DISP3: variants seen among roughly 807,000 people sequenced by gnomAD.
DISP3 encodes the protein protein dispatched homolog 3.
A neutral mutation model predicts 135.3 loss-of-function variants in DISP3; 101 were observed. That is an observed-to-expected ratio of 0.75 (90% CI 0.64 to 0.88). The LOEUF (loss-of-function observed/expected upper bound fraction) is 0.88. DISP3 is among the 40% of genes least tolerant of loss of function. The pLI is 0.00. For synonymous variants in DISP3, 856 were observed against 817.0 expected, an observed-to-expected ratio of 1.05 and a Z score of -0.81; for missense variants, 1,713 against 1,878.6, an observed-to-expected ratio of 0.91 and a Z score of 1.63.
At position 11,502,818 on chromosome 1, in the gene DISP3, G is replaced by T; in HGVS notation, c.1237G>T (p.Asp413Tyr). The stretch of plus-strand genomic sequence containing the variant: ...CCTGCCCAACTACTACTCAGTAGAT[G>T]ACCGCTGGGAGGAACAACGGGCTAA... ...APLPNYYSVD[D>Y]RWEEQRAKFQ... The change falls in exon 3 of 21, where the codon GAC becomes TAC. Residue 413 changes from aspartate (D) to tyrosine (Y), a missense_variant. Coordinates refer to ENST00000294484, the MANE Select transcript of DISP3 (RefSeq NM_020780.2). 6.2e-7 allele frequency: 1 copy of T among 1,614,220 alleles called. No homozygotes were observed. The highest frequency in any genetic ancestry group is 1.1e-5 in the South Asian group (1 of 91,068).
intron 12 of DISP3, 31 bp from the exon 13 acceptor site, chr1:11,526,620 T>C (rs2745260): frequency 0.15 from 240,106 of 1,594,982 alleles, 20,793 homozygotes; most frequent in East Asian, 0.44. Context: ...CCCCGAGTCA[T>C]GTGTCTTGTC....
Position 11,530,940 on chromosome 1 carries a change from T to C in DISP3, c.3136T>C (p.Phe1046Leu), listed in dbSNP as rs1642560208. The C allele has an allele frequency of 6.2e-7, 1 of 1,613,906 alleles. No homozygotes were observed. The highest frequency in any genetic ancestry group is 1.1e-5 in the South Asian group (1 of 91,088). ...TGTCTACGACAGCAGCTTTGACCTC[T>C]TCAAGGAAATTGGGCACCTGTGTCA... Reference protein sequence around the residue: ...SVVYDSSFDLFKEIGHLCHLC... With the variant: ...SVVYDSSFDLLKEIGHLCHLC... The change falls in exon 16 of 21, where the codon TTC becomes CTC. Residue 1046 changes from phenylalanine to leucine, a missense_variant. This residue lies in a region of DISP3 where 1,142 missense variants were observed against 1,384.6 expected (regional missense o/e 0.82). Coordinates refer to ENST00000294484, the MANE Select transcript of DISP3 (RefSeq NM_020780.2).
chr1:11,489,277 G>A (rs1402532194), intron 1 of DISP3, among the ~76,000 whole-genome samples: 1 of 152,218 alleles, frequency 6.6e-6, no homozygotes, highest in Non-Finnish European at 1.5e-5. Context: ...CTTCTCTTTG[G>A]GCGCTATGGG....
At chr1:11,488,523 G>T (rs552819375) in intron 1 of DISP3, among the ~76,000 whole-genome samples, 2 of 152,330 alleles carry the variant, frequency 1.3e-5, no homozygotes, top group South Asian at 4.1e-4. Context: ...GGCACCCGTG[G>T]TGGGGAACTT....
chr1:11,528,862 A>G (rs1642500131), intron 13 of DISP3, among the ~76,000 whole-genome samples: 3 of 152,328 alleles, frequency 2.0e-5, no homozygotes, highest in South Asian at 4.1e-4. Context: ...TGAACTCTGC[A>G]TGGGGCTGAG....
In DISP3 at chr1:11,491,638, C is replaced by T. The variant is rs1210366422; in HGVS notation, c.-3-9352C>T. ...AACAAACAAACAAAACAAAACAAAA[C>T]CCGGATTCCTGGGCCCCACCTCCTC... On this transcript the variant is annotated intron_variant, in intron 1 of 20. Transcript: ENST00000294484. The surrounding 1 kb of genome is among the most constrained non-coding windows in gnomAD (Gnocchi z 4.3). Among the ~76,000 whole-genome samples the T allele has an allele frequency of 6.6e-6, 1 of 151,802 alleles. No homozygotes were observed. The highest frequency in any genetic ancestry group is 2.4e-5 in the African/African-American group (1 of 41,292).
intron 3 of DISP3, among the ~76,000 whole-genome samples, chr1:11,504,022 TC>T: frequency 6.6e-6 from 1 of 151,968 alleles, no homozygotes; most frequent in Admixed American, 6.6e-5. Context: ...GCTTTCCCAG[TC>T]CCCCACCCTG....
Position 11,520,852 on chromosome 1 carries a change from A to T in DISP3, c.2362+4A>T, listed in dbSNP as rs1463992080. The T allele has an allele frequency of 6.3e-7, 1 of 1,593,882 alleles. No individual in the cohort carries two copies. The highest frequency in any genetic ancestry group is 1.1e-5 in the South Asian group (1 of 88,802). The stretch of plus-strand genomic sequence containing the variant: ...ATCTCCTGCATCACCTGTTCAGGTG[A>T]GGCTTCTAGCCAGGCTGTCCCTGGC... On this transcript the variant is annotated splice_donor_region_variant and intron_variant, in intron 10 of 20. Transcript: ENST00000294484. The surrounding 1 kb of genome is among the most constrained non-coding windows in gnomAD (Gnocchi z 4.8).
Position 11,479,216 on chromosome 1 carries a change from G to C in DISP3, c.-160G>C, listed in dbSNP as rs1336098298. 6.2e-6 allele frequency: 1 copy of C among 160,312 alleles called. No individual in the cohort carries two copies. Among genetic ancestry groups the C allele is most frequent in the African/African-American group, 2.4e-5 (1 of 41,458 alleles). 9.9% of individuals were successfully genotyped at this position (160,312 alleles called of 1,614,324 possible). On this transcript the variant is annotated 5_prime_UTR_variant, in exon 1 of 21. Coordinates refer to ENST00000294484, the MANE Select transcript of DISP3 (RefSeq NM_020780.2). ...TCCCGCGGTCTGCTTGCCCTGGAGC[G>C]GAGGGGGAGCCCCAGCCTCCTGCGG...
intron 1 of DISP3, among the ~76,000 whole-genome samples, chr1:11,498,573 T>C (rs1641408298): frequency 6.6e-6 from 1 of 152,168 alleles, no homozygotes; most frequent in Admixed American, 6.5e-5. Flanking sequence ...TTGGCAGCCT[T>C]GCCTGCTTGA....
At chr1:11,509,362 A>AT (rs1454205057) in intron 3 of DISP3, among the ~76,000 whole-genome samples, 1 of 151,794 alleles carries the variant, frequency 6.6e-6, no homozygotes, top group Non-Finnish European at 1.5e-5. Context: ...GAAAAAAAAA[A>AT]GTTCTGTTTT....
Position 11,536,515 on chromosome 1 carries a change from C to G in DISP3, c.4008C>G (p.Val1336=). The G allele has an allele frequency of 6.2e-7, 1 of 1,613,408 alleles. No homozygotes were observed. The highest frequency in any genetic ancestry group is 1.7e-5 in the Admixed American group (1 of 60,034). ...TGTCCATCCTCTACACGCTGACCGT[C>G]AGCACCGCCCTGCTGGGCATCATGG... The part of the protein sequence containing the change: ...TGVSILYTLT[V]STALLGIMAP... The change falls in exon 21 of 21, where the codon GTC becomes GTG. Residue 1336 remains valine, a synonymous_variant. Transcript: ENST00000294484. This position sits in a 1 kb window ranked among gnomAD's most constrained non-coding sequence, Gnocchi z 4.3.
At chr1:11,506,370 A>G (rs1292555718) in intron 3 of DISP3, among the ~76,000 whole-genome samples, 1 of 152,140 alleles carries the variant, frequency 6.6e-6, no homozygotes, top group African/African-American at 2.4e-5. Context: ...CACTCTGATT[A>G]CACAAATGTT....
rs1359136048 is a variant in DISP3 at position 11,533,813 on chromosome 1, A to ATCTT, written c.3376-566_3376-563dup. 5.6e-6 allele frequency: 4 copies of ATCTT among 717,722 alleles called. No homozygotes were observed. The African/African-American group carries it at 7.0e-5, about 13-fold the overall frequency. The allele number at this position is 717,722 out of a possible 1,614,324, so 44.5% of individuals were successfully genotyped here. A position where few individuals can be genotyped will look rare whatever the true frequency, so the allele number is the denominator to read the frequency against. On this transcript the variant is annotated intron_variant, in intron 17 of 20. Transcript: ENST00000294484. ...GAATTGATGAGCAGATACCTTAAGA[A>ATCTT]TCTTTTAGAGCAGGGTGAGTGCCTA...
chr1:11,520,991 C>T lies in DISP3; in HGVS notation c.2362+143C>T. 4 of 1,086,374 alleles carry T rather than the reference C, an allele frequency of 3.7e-6. No individual in the cohort carries two copies. The highest frequency in any genetic ancestry group is 5.1e-6 in the Non-Finnish European group (4 of 780,558). 67.3% of individuals were successfully genotyped at this position (1,086,374 alleles called of 1,614,324 possible). A position where few individuals can be genotyped will look rare whatever the true frequency, so the allele number is the denominator to read the frequency against. ...ACTCCCCTCTGAGCCCCCATGTTCCCACAGTTCATTCAACAGATGCCTGCT... is the reference window on the plus strand; with the variant it reads ...ACTCCCCTCTGAGCCCCCATGTTCCTACAGTTCATTCAACAGATGCCTGCT... On this transcript the variant is annotated intron_variant, in intron 10 of 20. Transcript: ENST00000294484. This position sits in a 1 kb window ranked among gnomAD's most constrained non-coding sequence, Gnocchi z 4.8.
At chr1:11,481,894 G>A (rs1423263899) in intron 1 of DISP3, 1 of 152,210 alleles carries the variant, frequency 6.6e-6, no homozygotes, top group Non-Finnish European at 1.5e-5. Context: ...GACCAGAGAT[G>A]TCAAGTAATT....
At chr1:11,503,318 T>C (rs1411015457) in intron 3 of DISP3, among the ~76,000 whole-genome samples, 1 of 152,192 alleles carries the variant, frequency 6.6e-6, no homozygotes, top group Admixed American at 6.5e-5. Flanking sequence ...TTAGAGGAAT[T>C]GGCTCATGCA....
Position 11,509,472 on chromosome 1 carries a change from C to T in DISP3, c.1317-4918C>T, listed in dbSNP as rs1020830063. Among the ~76,000 whole-genome samples, 12 of 152,068 alleles carry T rather than the reference C, an allele frequency of 7.9e-5. 1 individual carries two copies. The highest frequency in any genetic ancestry group is 2.9e-4 in the African/African-American group (12 of 41,418). On this transcript the variant is annotated intron_variant, in intron 3 of 20. Coordinates refer to ENST00000294484, the MANE Select transcript of DISP3 (RefSeq NM_020780.2). ...CTGATTTTCTGTCTAATTTTTCTAG[C>T]AATATTGAGAGAGAGAGATATTGAA...
chr1:11,509,794 A>G (rs2100435949), intron 3 of DISP3, among the ~76,000 whole-genome samples: 1 of 152,216 alleles, frequency 6.6e-6, no homozygotes, highest in Admixed American at 6.5e-5. Context: ...GGTTTCTTGT[A>G]GTCAGCTAGG....
Sources: allele counts gnomAD v4.1 joint callset (sites outside exome capture counted in the v4.1 genomes callset), GRCh38; gene constraint gnomAD v4.1.1; regional missense constraint gnomAD v4.1.1; non-coding constraint Gnocchi (gnomAD v3.1); transcripts MANE v1.5; gene names NCBI Gene and HGNC (gene_info 2026-07-23, HGNC 2026-07-21).